ERMAP: variants seen among roughly 807,000 people sequenced by gnomAD.
ERMAP encodes erythroid membrane-associated protein.
A neutral mutation model predicts 49.5 loss-of-function variants in ERMAP; 34 were observed. That is an observed-to-expected ratio of 0.69 (90% CI 0.52 to 0.91). The LOEUF (loss-of-function observed/expected upper bound fraction) is 0.91. Ranked by LOEUF, ERMAP falls within the 40% of genes least tolerant of loss-of-function variation. ERMAP has a pLI of 0.00. For synonymous variants in ERMAP, 214 were observed against 232.2 expected, an observed-to-expected ratio of 0.92 and a Z score of 0.71; for missense variants, 541 against 582.6, an observed-to-expected ratio of 0.93 and a Z score of 0.74.
In ERMAP at chr1:42,830,839, TC is replaced by T; in HGVS notation, c.160del (p.Leu54SerfsTer10). The T allele has an allele frequency of 6.2e-7, 1 of 1,601,984 alleles. No homozygotes were observed. Among genetic ancestry groups the T allele is most frequent in the South Asian group, 1.1e-5 (1 of 89,378 alleles). ...GGTAELLCPL[S>X]LWPGTVPKEV... ...CACAGCCGAGCTGCTCTGCCCTCTC[TC>T]CCTCTGGCCCGGGACGGTACCCAAG... is the stretch of plus-strand genomic sequence containing the variant. On this transcript the variant is annotated frameshift_variant, in exon 4 of 12. Transcript: ENST00000372517. LOFTEE classifies it high-confidence loss of function.
intron 5 of ERMAP, among the ~76,000 whole-genome samples, 198 bp downstream of exon 5, chr1:42,835,352 C>T (rs1570541482): frequency 7.5e-5 from 2 of 26,704 alleles, no homozygotes; most frequent in South Asian, 8.3e-4. Context: ...GCAGAAAGGC[C>T]CCTGGGCAGA....
chr1:42,841,726 C>G (rs1655062255), intron 11 of ERMAP, among the ~76,000 whole-genome samples: 1 of 152,176 alleles, frequency 6.6e-6, no homozygotes, highest in Admixed American at 6.5e-5. Flanking sequence ...AGCCCAAGGT[C>G]ACATAACTAG....
intron 4 of ERMAP, chr1:42,834,781 C>T: frequency 2.8e-6 from 1 of 357,130 alleles, no homozygotes; most frequent in African/African-American, 2.1e-5. Context: ...TCTTGAACTC[C>T]TGATCTCAGA....
chr1:42,840,851 C>T lies in ERMAP; in HGVS notation c.712+555C>T, dbSNP rs190667540. On this transcript the variant is annotated intron_variant, in intron 11 of 11. Transcript: ENST00000372517. ...CAACCAGATAAATAGCCACTGCTTCCGCCTCTTTCTACACATTTGCTTTTT... is the reference window on the plus strand; with the variant it reads ...CAACCAGATAAATAGCCACTGCTTCTGCCTCTTTCTACACATTTGCTTTTT... Among the ~76,000 whole-genome samples, 70 of 152,258 alleles carry T rather than the reference C, an allele frequency of 4.6e-4. 1 individual carries two copies. The highest frequency in any genetic ancestry group is 1.6e-3 in the African/African-American group (66 of 41,542).
intron 11 of ERMAP, chr1:42,842,052 A>G (rs1376692716): frequency 6.2e-6 from 1 of 160,486 alleles, no homozygotes; most frequent in Non-Finnish European, 1.4e-5. Context: ...CTCCAAAAGC[A>G]GAGAGGAGAC....
chr1:42,822,368 G>GA, intron 1 of ERMAP, among the ~76,000 whole-genome samples: 1 of 151,992 alleles, frequency 6.6e-6, no homozygotes, highest in East Asian at 1.9e-4. Context: ...ATTTTTAGTA[G>GA]AGACAGGATT....
chr1:42,822,705 TAGA>T (rs1213246285), intron 1 of ERMAP, among the ~76,000 whole-genome samples: 3 of 152,330 alleles, frequency 2.0e-5, no homozygotes, highest in African/African-American at 7.2e-5. Flanking sequence ...TATAAAACAG[TAGA>T]AGTTGTTCCT....
At chr1:42,837,328 T>C in intron 7 of ERMAP, 138 bp downstream of exon 7, 1 of 983,328 alleles carries the variant, frequency 1.0e-6, no homozygotes, top group East Asian at 2.6e-5. Context: ...CCATTGATAT[T>C]ACTGGAATTT....
rs764350021 is a variant in ERMAP, at chr1:42,843,050, C to T, written c.1246C>T (p.His416Tyr). The change falls in exon 12 of 12, where the codon CAC becomes TAC. Residue 416 changes from histidine to tyrosine, a missense_variant. By Grantham distance (83) the His-to-Tyr change is moderately conservative. Transcript: ENST00000372517. The stretch of plus-strand genomic sequence containing the variant: ...ACCTCTAGTCATTTGTTCAGAACTA[C>T]ACAAATCAGAGGAATCAATTGTCCC... Reference protein sequence around the residue: ...TAPLVICSELHKSEESIVPRP... With the variant: ...TAPLVICSELYKSEESIVPRP... The T allele has an allele frequency of 1.9e-6, 3 of 1,614,172 alleles. No individual in the cohort carries two copies. In the East Asian group the frequency reaches 6.7e-5, roughly 36 times the overall value.
At chr1:42,829,190 G>A (rs544978837) in intron 2 of ERMAP, among the ~76,000 whole-genome samples, 2 of 152,264 alleles carry the variant, frequency 1.3e-5, no homozygotes, top group South Asian at 2.1e-4. Flanking sequence ...GCTTAGAGGG[G>A]TATGTTGTAT....
At chr1:42,831,411 T>G (rs17386017) in intron 4 of ERMAP, among the ~76,000 whole-genome samples, 34,170 of 151,998 alleles carry the variant, frequency 0.22, 4,515 homozygotes, top group Non-Finnish European at 0.29. Flanking sequence ...GGGTCATCTT[T>G]CTATGCTCCA....
intron 6 of ERMAP, among the ~76,000 whole-genome samples, chr1:42,836,621 T>C (rs1165386093): frequency 1.3e-5 from 2 of 152,060 alleles, no homozygotes; most frequent in Non-Finnish European, 2.9e-5. Flanking sequence ...TTTGGGAGGC[T>C]GAAGAGGGTG....
At chr1:42,826,251 C>T (rs182277971) in intron 2 of ERMAP, among the ~76,000 whole-genome samples, 68 of 152,004 alleles carry the variant, frequency 4.5e-4, no homozygotes, top group African/African-American at 1.4e-3. Context: ...AATAGATAAA[C>T]GAGCAAATTA....
At chr1:42,823,398 A>G (rs909220198) in intron 1 of ERMAP, among the ~76,000 whole-genome samples, 22 of 152,346 alleles carry the variant, frequency 1.4e-4, no homozygotes, top group East Asian at 1.9e-4. Flanking sequence ...ATCAATGCCA[A>G]TCTCATCAGA....
At chr1:42,836,277 G>A (rs1557611765) in intron 6 of ERMAP, among the ~76,000 whole-genome samples, 1 of 152,216 alleles carries the variant, frequency 6.6e-6, no homozygotes, top group Non-Finnish European at 1.5e-5. Flanking sequence ...CTTGAGGGTT[G>A]AGGGTATGAA....
At chr1:42,835,273 A>T in intron 5 of ERMAP, 119 bp downstream of exon 5, 1 of 679,808 alleles carries the variant, frequency 1.5e-6, no homozygotes, top group Non-Finnish European at 2.7e-6. Flanking sequence ...GGACACTGCA[A>T]GTTGGCTGGG....
rs1655152289 is a variant in ERMAP at position 42,844,299 on chromosome 1, T to C, written c.*1067T>C. 1 of 394,914 alleles carries C rather than the reference T, an allele frequency of 2.5e-6. No individual in the cohort carries two copies. The highest frequency in any genetic ancestry group is 1.4e-4 in the South Asian group (1 of 6,974). 24.5% of individuals were successfully genotyped at this position (394,914 alleles called of 1,614,324 possible). A position where few individuals can be genotyped will look rare whatever the true frequency, so the allele number is the denominator to read the frequency against. On this transcript the variant is annotated 3_prime_UTR_variant, in exon 12 of 12. Transcript: ENST00000372517. This position sits in a 1 kb window ranked among gnomAD's most constrained non-coding sequence, Gnocchi z 4.0. ...GTGTATTGCAGAAGCCTCGTCGCTT[T>C]CAAGTCACATCATATATGCGATCTG...
Position 42,830,493 on chromosome 1 carries a change from C to A in ERMAP, c.45C>A (p.Leu15=), listed in dbSNP as rs565501882. 9.3e-6 allele frequency: 15 copies of A among 1,614,156 alleles called. No homozygotes were observed. The highest frequency in any genetic ancestry group is 8.9e-5 in the East Asian group (4 of 44,882). ...SSAGSWLSGC[L]IPLVFLRLSV... is the part of the protein sequence containing the mutation. ...CTGGCTCCTGGCTCTCTGGCTGCCT[C>A]ATCCCTCTCGTCTTCCTCCGGCTGT... Residue 15 remains leucine, a synonymous_variant, in exon 3 of 12, where the codon CTC becomes CTA. Coordinates refer to ENST00000372517, the MANE Select transcript of ERMAP (RefSeq NM_001017922.2).
At chr1:42,830,284 C>G in intron 2 of ERMAP, 160 bp from the exon 3 acceptor site, 1 of 620,992 alleles carries the variant, frequency 1.6e-6, no homozygotes, top group Non-Finnish European at 2.9e-6. Flanking sequence ...AGTTCGGTCA[C>G]AGTATCACAA....
Sources: gnomAD v4.1 joint callset for allele counts (sites outside exome capture counted in the v4.1 genomes callset) on GRCh38, gnomAD v4.1.1 for gene constraint, Gnocchi (gnomAD v3.1) non-coding constraint, MANE v1.5 for transcripts, NCBI Gene and HGNC (gene_info 2026-07-23, HGNC 2026-07-21) for gene names.